Variants in LRMDA observed in about 807,000 individuals in gnomAD.
LRMDA encodes the protein leucine-rich melanocyte differentiation-associated protein.
Under a neutral mutation model 29.8 loss-of-function variants are expected in LRMDA, and 18 were observed. The observed-to-expected ratio is 0.60, with a 90% CI of 0.42 to 0.90. The LOEUF (loss-of-function observed/expected upper bound fraction) is 0.90. Ranked by LOEUF, LRMDA falls within the 40% of genes least tolerant of loss-of-function variation. LRMDA has a pLI of 0.00. For missense variants in LRMDA, 273 were observed against 273.9 expected, an observed-to-expected ratio of 1.00 and a Z score of 0.02; for synonymous variants, 125 against 109.4, an observed-to-expected ratio of 1.14 and a Z score of -0.89.
At chr10:75,600,166 C>G (rs1227470450) in intron 2 of LRMDA, among the ~76,000 whole-genome samples, 1 of 146,148 alleles carries the variant, frequency 6.8e-6, no homozygotes, top group African/African-American at 2.8e-5. Flanking sequence ...TGGATGACAC[C>G]TTTTTCCCCC....
chr10:75,572,839 C>T (rs1352455752), intron 2 of LRMDA, among the ~76,000 whole-genome samples: 1 of 152,120 alleles, frequency 6.6e-6, no homozygotes, highest in African/African-American at 2.4e-5. Flanking sequence ...TCCAGTAGTA[C>T]TAGTGTCTTT....
intron 2 of LRMDA, among the ~76,000 whole-genome samples, chr10:75,886,175 G>A (rs114744631): frequency 5.9e-4 from 90 of 152,312 alleles, no homozygotes; most frequent in African/African-American, 2.1e-3. Context: ...TCTGCAGATG[G>A]TTTCTAGTGT....
intron 2 of LRMDA, among the ~76,000 whole-genome samples, chr10:75,633,835 A>T (rs72809452): frequency 1.2e-4 from 19 of 152,362 alleles, no homozygotes; most frequent in Admixed American, 2.0e-4. Flanking sequence ...GGATTACAGT[A>T]GACTAGAATA....
chr10:76,532,004 T>C (rs1336412095), intron 6 of LRMDA, among the ~76,000 whole-genome samples: 3 of 152,160 alleles, frequency 2.0e-5, no homozygotes, highest in Non-Finnish European at 4.4e-5. Flanking sequence ...AGTCCTAAGC[T>C]CTTTTTTTGA....
At chr10:76,312,264 T>C (rs1840638973) in intron 5 of LRMDA, among the ~76,000 whole-genome samples, 2 of 152,200 alleles carry the variant, frequency 1.3e-5, no homozygotes, top group African/African-American at 4.8e-5. Flanking sequence ...GGATAAACTG[T>C]CAGTTTTGAA....
At chr10:76,138,210 C>T (rs1387749636) in intron 5 of LRMDA, among the ~76,000 whole-genome samples, 2 of 152,124 alleles carry the variant, frequency 1.3e-5, no homozygotes, top group Admixed American at 1.3e-4. Context: ...TTTTTCCCCC[C>T]AGTGTACCCC....
intron 5 of LRMDA, among the ~76,000 whole-genome samples, chr10:76,245,557 C>T (rs1363915438): frequency 6.6e-6 from 1 of 152,192 alleles, no homozygotes; most frequent in Non-Finnish European, 1.5e-5. Context: ...GATGAGCTCC[C>T]TACTGGGAAG....
chr10:76,515,077 A>G (rs536703668), intron 6 of LRMDA, among the ~76,000 whole-genome samples: 3 of 152,184 alleles, frequency 2.0e-5, no homozygotes, highest in Non-Finnish European at 4.4e-5. Flanking sequence ...TTGCAAAGAC[A>G]TGTCCCAACC....
Position 75,624,815 on chromosome 10 carries a change from T to C in LRMDA, c.131+186321T>C, listed in dbSNP as rs76865864. On this transcript the variant is annotated intron_variant, in intron 2 of 6. Coordinates refer to ENST00000611255, the MANE Select transcript of LRMDA (RefSeq NM_001305581.2). ...ATCCTGCTCCAGGTAATTAATTGCT[T>C]TCAGTTCAGTGGAGTAATAATGCAA... Among the ~76,000 whole-genome samples, 430 of 152,316 alleles carry C rather than the reference T, an allele frequency of 2.8e-3. 2 individuals carry two copies. The highest frequency in any genetic ancestry group is 9.6e-3 in the African/African-American group (401 of 41,576).
At chr10:76,011,776 C>G (rs1164129444) in intron 2 of LRMDA, among the ~76,000 whole-genome samples, 1 of 152,178 alleles carries the variant, frequency 6.6e-6, no homozygotes, top group Non-Finnish European at 1.5e-5. Flanking sequence ...CCAGCTCTAT[C>G]CTCCAGGGAT....
chr10:75,798,848 A>C (rs879643051), intron 2 of LRMDA, among the ~76,000 whole-genome samples: 4 of 152,146 alleles, frequency 2.6e-5, no homozygotes, highest in Non-Finnish European at 5.9e-5. Flanking sequence ...CATGTTTTGA[A>C]GCATCACTAT....
At position 76,461,554 on chromosome 10, in the gene LRMDA, A is replaced by G. The variant is rs112847803; in HGVS notation, c.602-95655A>G. ...CCCGTAGGTAGAGTGCCTTAACTCT[A>G]GAACCATAAATTTGTTTTCAGAATG... On this transcript the variant is annotated intron_variant, in intron 6 of 6. Transcript: ENST00000611255. 7.6e-3 allele frequency among the ~76,000 whole-genome samples: 1,155 copies of G among 152,330 alleles called. 12 individuals are homozygous for G. The highest frequency in any genetic ancestry group is 0.027 in the African/African-American group (1,102 of 41,576).
At chr10:75,679,857 C>G (rs1842003192) in intron 2 of LRMDA, among the ~76,000 whole-genome samples, 1 of 151,938 alleles carries the variant, frequency 6.6e-6, no homozygotes, top group African/African-American at 2.4e-5. Flanking sequence ...CTTTGGAGCT[C>G]TGTTGCGTGT....
At chr10:75,932,663 G>A (rs988540891) in intron 2 of LRMDA, among the ~76,000 whole-genome samples, 2 of 151,918 alleles carry the variant, frequency 1.3e-5, no homozygotes, top group African/African-American at 4.8e-5. Flanking sequence ...AAAGAAACTC[G>A]ACTAATCTAA....
At chr10:75,839,396 G>A (rs1844496123) in intron 2 of LRMDA, among the ~76,000 whole-genome samples, 1 of 152,152 alleles carries the variant, frequency 6.6e-6, no homozygotes, top group Non-Finnish European at 1.5e-5. Context: ...TGCATGTGTT[G>A]TGATTCTGCT....
intron 2 of LRMDA, among the ~76,000 whole-genome samples, chr10:75,704,793 G>A (rs1177085815): frequency 6.6e-6 from 1 of 152,198 alleles, no homozygotes; most frequent in Non-Finnish European, 1.5e-5. Context: ...ATTGTGTCAT[G>A]GGCAAGTTTC....
At chr10:75,491,403 G>A (rs111824110) in intron 2 of LRMDA, among the ~76,000 whole-genome samples, 2 of 152,276 alleles carry the variant, frequency 1.3e-5, no homozygotes, top group African/African-American at 4.8e-5. Flanking sequence ...TCTGGCCTGC[G>A]GCACTGGCTA....
chr10:75,500,201 C>T (rs1439180874), intron 2 of LRMDA, among the ~76,000 whole-genome samples: 1 of 152,016 alleles, frequency 6.6e-6, no homozygotes, highest in Non-Finnish European at 1.5e-5. Flanking sequence ...CCAGTGACAC[C>T]CAGACCTTTC....
intron 2 of LRMDA, among the ~76,000 whole-genome samples, chr10:75,478,700 G>T (rs896443642): frequency 1.4e-4 from 22 of 152,156 alleles, no homozygotes; most frequent in African/African-American, 5.3e-4. Flanking sequence ...TCTCCAAAAA[G>T]ACCATTTTTT....
Sources: gnomAD v4.1 joint callset for allele counts (sites outside exome capture counted in the v4.1 genomes callset) on GRCh38, gnomAD v4.1.1 for gene constraint, MANE v1.5 for transcripts, NCBI Gene and HGNC (gene_info 2026-07-23, HGNC 2026-07-21) for gene names.